Variants in M6PR observed in about 807,000 individuals in gnomAD.
The protein encoded by M6PR is cation-dependent mannose-6-phosphate receptor.
M6PR carries 19 observed loss-of-function variants against 33.1 expected under a neutral mutation model. The ratio of observed to expected loss-of-function variants is 0.57; its 90% CI spans 0.40 to 0.84. The LOEUF is 0.84. Among genes scored for constraint, M6PR ranks in the 40% least tolerant of loss-of-function variants. The pLI, the probability that M6PR is intolerant of heterozygous loss-of-function variation, is 0.00. For missense variants in M6PR, 295 were observed against 336.0 expected (o/e 0.88, Z 0.95); for synonymous variants, 111 against 123.4 (o/e 0.90, Z 0.67).
chr12:8,941,646 A>G lies in M6PR; in HGVS notation c.*172T>C. On this transcript the variant is annotated 3_prime_UTR_variant, in exon 7 of 7. Transcript: ENST00000000412. The stretch of plus-strand genomic sequence containing the variant: ...TCTAGAGAAAAAACAGAAAATAAGG[A>G]ACAAAGGGAAGGCAGTTTTACTAGT... The G allele has an allele frequency of 1.4e-6, 1 of 726,024 alleles. No individual in the cohort carries two copies. The highest frequency in any genetic ancestry group is 2.3e-6 in the Non-Finnish European group (1 of 440,664). 45.0% of individuals were successfully genotyped at this position (726,024 alleles called of 1,614,324 possible). A position where few individuals can be genotyped will look rare whatever the true frequency, so the allele number is the denominator to read the frequency against.
intron 5 of M6PR, among the ~76,000 whole-genome samples, chr12:8,942,927 A>G (rs1946041041): frequency 6.7e-6 from 1 of 150,348 alleles, no homozygotes; most frequent in Non-Finnish European, 1.5e-5. Context: ...ATTAAATCTC[A>G]TTTTTCAAAA....
chr12:8,944,647 A>G (rs1288498160), intron 3 of M6PR, among the ~76,000 whole-genome samples: 1 of 152,220 alleles, frequency 6.6e-6, no homozygotes, highest in East Asian at 1.9e-4. Context: ...CCTCTCCAGC[A>G]ATATGACTTT....
chr12:8,942,613 C>T, intron 5 of M6PR, 71 bp from the exon 6 acceptor site: 1 of 1,491,148 alleles, frequency 6.7e-7, no homozygotes, highest in East Asian at 2.3e-5. Context: ...ATAACCTCTG[C>T]ATTTATTGTC....
intron 1 of M6PR, among the ~76,000 whole-genome samples, chr12:8,948,834 G>T (rs950071405): frequency 2.6e-5 from 4 of 152,144 alleles, no homozygotes; most frequent in African/African-American, 9.7e-5. Flanking sequence ...CTGTCTTCCC[G>T]CTGGCTCCTT....
Position 8,943,288 on chromosome 12 carries a change from C to T in M6PR, c.584+117G>A, listed in dbSNP as rs185348750. The T allele has an allele frequency of 1.4e-5, 17 of 1,196,634 alleles. No homozygotes were observed. In the Admixed American group the frequency reaches 4.2e-4, roughly 29 times the overall value. 74.1% of individuals were successfully genotyped at this position (1,196,634 alleles called of 1,614,324 possible). On this transcript the variant is annotated intron_variant, in intron 5 of 6. Coordinates refer to ENST00000000412, the MANE Select transcript of M6PR (RefSeq NM_002355.4). ...TAGCCAGAGGATTTAAAAAGTTATCCCCATCAATTACAGCATAATGTACAC... is the reference window on the plus strand; with the variant it reads ...TAGCCAGAGGATTTAAAAAGTTATCTCCATCAATTACAGCATAATGTACAC...
chr12:8,941,361 G>A lies in M6PR; in HGVS notation c.*457C>T, dbSNP rs1376200303. On this transcript the variant is annotated 3_prime_UTR_variant, in exon 7 of 7. Transcript: ENST00000000412. ...GCAGCAAGAAATACCAGATTCTCAT[G>A]GAGGCTACTATAGGGTACAGAATAA... 16 of 197,412 alleles carry A rather than the reference G, an allele frequency of 8.1e-5. No homozygotes were observed. Among genetic ancestry groups the A allele is most frequent in the Non-Finnish European group, 1.6e-4 (15 of 94,884 alleles). The allele number at this position is 197,412 out of a possible 1,614,324, so 12.2% of individuals were successfully genotyped here. A position where few individuals can be genotyped will look rare whatever the true frequency, so the allele number is the denominator to read the frequency against.
intron 1 of M6PR, 168 bp from the exon 2 acceptor site, chr12:8,946,573 G>A: frequency 1.9e-6 from 1 of 521,752 alleles, no homozygotes; most frequent in South Asian, 3.7e-5. Flanking sequence ...TGTAACAAGA[G>A]CATCTGCAGC....
chr12:8,942,308 C>A (rs1946026244), intron 6 of M6PR, 108 bp downstream of exon 6: 1 of 1,500,374 alleles, frequency 6.7e-7, no homozygotes. Context: ...GGTTTTAGCA[C>A]TCAATGTCCT....
At chr12:8,945,143 G>C (rs1295644944) in intron 3 of M6PR, 2 of 301,324 alleles carry the variant, frequency 6.6e-6, no homozygotes, top group South Asian at 7.8e-5. Context: ...GGGTGACAGA[G>C]AGAGACTCCG....
At position 8,941,829 on chromosome 12, in the gene M6PR, A is replaced by G; in HGVS notation, c.823T>C (p.Leu275=). The change falls in exon 7 of 7, where the codon TTA becomes CTA. Residue 275 remains leucine, a synonymous_variant. Transcript: ENST00000000412. ...ATATAAAGTGCAATCTACATTGGTA[A>G]TAAATGGTCATCCCTTTCTTCTGAC... The part of the protein sequence containing the change: ...EESEERDDHL[L]PM The G allele has an allele frequency of 6.2e-7, 1 of 1,614,176 alleles. No individual in the cohort carries two copies. The highest frequency in any genetic ancestry group is 8.5e-7 in the Non-Finnish European group (1 of 1,180,026).
chr12:8,945,658 CTTAA>C lies in M6PR; in HGVS notation c.177-78_177-75del. 3 of 1,255,688 alleles carry C rather than the reference CTTAA, an allele frequency of 2.4e-6. No individual in the cohort carries two copies. The East Asian group carries it at 7.2e-5, about 30-fold the overall frequency. 77.8% of individuals were successfully genotyped at this position (1,255,688 alleles called of 1,614,324 possible). ...CCTCAGGAATAACAGCATCCCTTTC[CTTAA>C]TTAAAACAAAACAAACAACATGCTC... On this transcript the variant is annotated intron_variant, in intron 2 of 6. Transcript: ENST00000000412.
chr12:8,942,953 T>A (rs1159738525), intron 5 of M6PR, among the ~76,000 whole-genome samples: 1 of 10,394 alleles, frequency 9.6e-5, no homozygotes, highest in Non-Finnish European at 6.0e-4. Flanking sequence ...CAGTCAGAAT[T>A]TTTTTTTTTT....
In M6PR at chr12:8,949,279, G is replaced by A. The variant is rs1167957340; in HGVS notation, c.-2+209C>T. ...TCTAAATATCGTAAATCCCCTCTCT[G>A]GTCTTGGAAGTCCTTTCTCCCTCAC... is the stretch of plus-strand genomic sequence containing the variant. On this transcript the variant is annotated intron_variant, in intron 1 of 6. Coordinates refer to ENST00000000412, the MANE Select transcript of M6PR (RefSeq NM_002355.4). This position sits in a 1 kb window ranked among gnomAD's most constrained non-coding sequence, Gnocchi z 5.6. 6.6e-6 allele frequency among the ~76,000 whole-genome samples: 1 copy of A among 151,974 alleles called. No homozygotes were observed. Among genetic ancestry groups the A allele is most frequent in the African/African-American group, 2.4e-5 (1 of 41,372 alleles).
chr12:8,941,918 C>T lies in M6PR; in HGVS notation c.734G>A (p.Arg245His), dbSNP rs920624075. The change falls in exon 7 of 7, where the codon CGT becomes CAT. Residue 245 changes from arginine (R) to histidine (H), a missense_variant. Physicochemically the swap from Arg to His is conservative, Grantham distance 29 (BLOSUM62 0). Coordinates refer to ENST00000000412, the MANE Select transcript of M6PR (RefSeq NM_002355.4). The stretch of plus-strand genomic sequence containing the variant: ...TGCAGGCACATTTCGAGGTTTAGAA[C>T]GGCAGACAAAGTCACAGCCATCCTG... ...LVADGCDFVC[R>H]SKPRNVPAAY... The T allele has an allele frequency of 1.9e-6, 3 of 1,613,934 alleles. No homozygotes were observed. The highest frequency in any genetic ancestry group is 1.1e-5 in the South Asian group (1 of 91,060).
chr12:8,945,373 T>G (rs1402991313), intron 3 of M6PR, 45 bp downstream of exon 3: 2 of 1,596,972 alleles, frequency 1.3e-6, no homozygotes, highest in African/African-American at 2.7e-5. Flanking sequence ...GGGATTGACT[T>G]GGGATCAGTT....
intron 2 of M6PR, 120 bp from the exon 3 acceptor site, chr12:8,945,704 G>T: frequency 2.6e-6 from 2 of 770,818 alleles, no homozygotes; most frequent in Non-Finnish European, 4.1e-6. Flanking sequence ...TTTATTTGAG[G>T]TCATGGCTGA....
intron 6 of M6PR, 173 bp downstream of exon 6, chr12:8,942,243 T>G: frequency 1.2e-6 from 1 of 804,120 alleles, no homozygotes; most frequent in South Asian, 1.8e-5. Context: ...AAATGGATGC[T>G]GTGCCACTTA....
chr12:8,945,537 AAGATGT>A lies in M6PR; in HGVS notation c.218_223del (p.Tyr73_Ile74del), dbSNP rs768184902. 73 of 1,614,012 alleles carry A rather than the reference AAGATGT, an allele frequency of 4.5e-5. No individual in the cohort carries two copies. The highest frequency in any genetic ancestry group is 5.8e-5 in the Non-Finnish European group (69 of 1,180,034). ...GTTGCCAGCTTCCCGGCACACCCTG[AAGATGT>A]AGATGTATGTGTCTGAACCCTGGCC... is the stretch of plus-strand genomic sequence containing the variant. On this transcript the variant is annotated inframe_deletion, in exon 3 of 7. Transcript: ENST00000000412.
Position 8,943,840 on chromosome 12 carries a change from A to G in M6PR, c.414T>C (p.Arg138=), listed in dbSNP as rs1394718305. 1 of 1,613,432 alleles carries G rather than the reference A, an allele frequency of 6.2e-7. No homozygotes were observed. The highest frequency in any genetic ancestry group is 8.5e-7 in the Non-Finnish European group (1 of 1,180,032). Residue 138 remains arginine, a synonymous_variant, in exon 4 of 7, where the codon CGT becomes CGC. Coordinates refer to ENST00000000412, the MANE Select transcript of M6PR (RefSeq NM_002355.4). ...GATTGCAGGAGATCATCACCACTGC[A>G]CGACGCTGCTCCTTGCCACAGTGGT... is the stretch of plus-strand genomic sequence containing the variant. ...YDNHCGKEQR[R]AVVMISCNRH...
Sources: gnomAD v4.1 joint callset for allele counts (sites outside exome capture counted in the v4.1 genomes callset) on GRCh38, gnomAD v4.1.1 for gene constraint, Gnocchi (gnomAD v3.1) non-coding constraint, MANE v1.5 for transcripts, NCBI Gene and HGNC (gene_info 2026-07-23, HGNC 2026-07-21) for gene names.